LIPN: variants seen among roughly 807,000 people sequenced by gnomAD.
LIPN encodes the protein lipase member N.
In LIPN, 32 loss-of-function variants were observed where a neutral mutation model predicts 43.7. That is an observed-to-expected ratio of 0.73 (90% CI 0.55 to 0.98). The LOEUF is 0.98. Ranked by LOEUF, LIPN falls within the 50% of genes least tolerant of loss-of-function variation. The pLI is 0.00. For synonymous variants in LIPN, 156 were observed against 157.6 expected, an observed-to-expected ratio of 0.99 and a Z score of 0.08; for missense variants, 505 against 483.8, an observed-to-expected ratio of 1.04 and a Z score of -0.41.
At chr10:88,761,144 C>A (rs987277372) in intron 1 of LIPN, among the ~76,000 whole-genome samples, 1 of 152,028 alleles carries the variant, frequency 6.6e-6, no homozygotes, top group Admixed American at 6.6e-5. Flanking sequence ...TAAAATAAGA[C>A]CAAAAATGCC....
At chr10:88,757,632 A>G (rs189013988), upstream of LIPN, among the ~76,000 whole-genome samples, 62 of 152,306 alleles carry the variant, frequency 4.1e-4, no homozygotes, top group African/African-American at 1.1e-3. Context: ...ATTCATTTTC[A>G]CTAACACTAA....
intron 5 of LIPN, among the ~76,000 whole-genome samples, chr10:88,767,663 A>C (rs1253654948): frequency 6.0e-5 from 4 of 66,464 alleles, no homozygotes; most frequent in African/African-American, 1.9e-4. Context: ...AAAAAAAAAA[A>C]AAAAAAAAAA....
intron 2 of LIPN, among the ~76,000 whole-genome samples, 169 bp downstream of exon 2, chr10:88,761,682 T>C (rs541700950): frequency 6.6e-6 from 1 of 152,198 alleles, no homozygotes; most frequent in African/African-American, 2.4e-5. Flanking sequence ...GAAAAACAAA[T>C]ACTGTCCGGT....
chr10:88,764,955 C>G (rs1425421154), intron 4 of LIPN, among the ~76,000 whole-genome samples: 1 of 149,854 alleles, frequency 6.7e-6, no homozygotes, highest in Non-Finnish European at 1.5e-5. Flanking sequence ...AGGCCCCGAA[C>G]ATTCAAACAG....
At position 88,766,305 on chromosome 10, in the gene LIPN, A is replaced by G. The variant is rs944420844; in HGVS notation, c.462A>G (p.Val154=). 8 of 1,609,034 alleles carry G rather than the reference A, an allele frequency of 5.0e-6. No individual in the cohort carries two copies. The Admixed American group carries it at 6.7e-5, about 13-fold the overall frequency. The stretch of plus-strand genomic sequence containing the variant: ...TGGCCAAATATGATCTCCCAGGAGT[A>G]ATAGACTTCATTGTAAATAAAACTG... ...DEMAKYDLPG[V]IDFIVNKTGQ... is the part of the protein sequence containing the mutation. The change falls in exon 5 of 10, where the codon GTA becomes GTG. Residue 154 remains valine, a synonymous_variant. Transcript: ENST00000404459.
chr10:88,779,186 G>A lies in LIPN; in HGVS notation c.*944G>A, dbSNP rs1392809949. Among the ~76,000 whole-genome samples, 1 of 152,216 alleles carries A rather than the reference G, an allele frequency of 6.6e-6. No individual in the cohort carries two copies. The highest frequency in any genetic ancestry group is 1.5e-5 in the Non-Finnish European group (1 of 68,050). On this transcript the variant is annotated 3_prime_UTR_variant, in exon 10 of 10. Coordinates refer to ENST00000404459, the MANE Select transcript of LIPN (RefSeq NM_001102469.2). ...TAACCACCACTTTGGCTGCTACATA[G>A]AGAATGGATTAGAAGATGCCAACAA...
chr10:88,759,243 A>G (rs1842963535), upstream of LIPN, among the ~76,000 whole-genome samples: 1 of 152,176 alleles, frequency 6.6e-6, no homozygotes, highest in South Asian at 2.1e-4. Context: ...GATAAATCCA[A>G]ACTAATAGAA....
Position 88,770,758 on chromosome 10 carries a change from A to G in LIPN, c.673-87A>G, listed in dbSNP as rs1843191397. The G allele has an allele frequency of 3.8e-6, 3 of 792,230 alleles. No homozygotes were observed. In the East Asian group the frequency reaches 8.2e-5, roughly 22 times the overall value. The allele number at this position is 792,230 out of a possible 1,614,324, so 49.1% of individuals were successfully genotyped here. On this transcript the variant is annotated intron_variant, in intron 6 of 9. Coordinates refer to ENST00000404459, the MANE Select transcript of LIPN (RefSeq NM_001102469.2). ...TTGTTGCTATTGAGTTGAGCTCCTT[A>G]TATATTCTGGTTACTAATCCCTTGT...
chr10:88,762,393 T>C (rs1843017555), intron 3 of LIPN, 88 bp downstream of exon 3: 2 of 790,004 alleles, frequency 2.5e-6, no homozygotes, highest in Non-Finnish European at 4.3e-6. Context: ...ATCAACAGAG[T>C]TTATCAAAAT....
At chr10:88,759,791 G>A (rs887236127), upstream of LIPN, among the ~76,000 whole-genome samples, 2 of 152,012 alleles carry the variant, frequency 1.3e-5, no homozygotes, top group Non-Finnish European at 2.9e-5. Context: ...TGAAAATGTT[G>A]CTAAGTCTTC....
Position 88,778,078 on chromosome 10 carries a change from G to A in LIPN, c.1033G>A (p.Val345Ile). 1 of 1,613,588 alleles carries A rather than the reference G, an allele frequency of 6.2e-7. No homozygotes were observed. The highest frequency in any genetic ancestry group is 8.5e-7 in the Non-Finnish European group (1 of 1,179,696). The stretch of plus-strand genomic sequence containing the variant: ...TGCTATTTGGGCTGGTGGACATGAT[G>A]TCCTCGTAACACCCCAGGATGTGGC... Reference protein sequence around the residue: ...PTAIWAGGHDVLVTPQDVARI... With the variant: ...PTAIWAGGHDILVTPQDVARI... Residue 345 changes from valine to isoleucine, a missense_variant, in exon 10 of 10, where the codon GTC (valine) becomes ATC (isoleucine). Transcript: ENST00000404459.
intron 5 of LIPN, among the ~76,000 whole-genome samples, chr10:88,767,846 G>A (rs12256354): frequency 0.028 from 4,214 of 151,642 alleles, 136 homozygotes; most frequent in African/African-American, 0.072. Flanking sequence ...CATTAAACAG[G>A]GCTCTGCAGT....
At chr10:88,772,402 C>T (rs1239230210) in intron 7 of LIPN, among the ~76,000 whole-genome samples, 1 of 151,796 alleles carries the variant, frequency 6.6e-6, no homozygotes, top group African/African-American at 2.4e-5. Flanking sequence ...TTAAATGTGT[C>T]TTTAATCCAT....
upstream of LIPN, among the ~76,000 whole-genome samples, chr10:88,757,602 T>C (rs1336528390): frequency 1.3e-5 from 2 of 152,180 alleles, no homozygotes; most frequent in Admixed American, 6.6e-5. Flanking sequence ...GGATGTAGTA[T>C]AGATGTCACT....
At chr10:88,760,148 G>A (rs1437058967) in intron 1 of LIPN, among the ~76,000 whole-genome samples, 42 bp downstream of exon 1, 1 of 152,086 alleles carries the variant, frequency 6.6e-6, no homozygotes, top group Non-Finnish European at 1.5e-5. Flanking sequence ...AGGTTGGAAG[G>A]TGCCAGTTGC....
intron 6 of LIPN, chr10:88,769,526 T>C (rs952224668): frequency 5.2e-6 from 5 of 957,492 alleles, no homozygotes; most frequent in African/African-American, 1.8e-5. Flanking sequence ...TTTTTTTTTT[T>C]TCTCTTTGCT....
chr10:88,764,772 C>A (rs1466040913), intron 4 of LIPN, among the ~76,000 whole-genome samples, 164 bp downstream of exon 4: 4 of 152,000 alleles, frequency 2.6e-5, no homozygotes, highest in Admixed American at 2.6e-4. Context: ...TGATTTTTCA[C>A]TGATTCTCCC....
Position 88,762,262 on chromosome 10 carries a change from T to C in LIPN, c.183T>C (p.Leu61=). 8 of 1,609,380 alleles carry C rather than the reference T, an allele frequency of 5.0e-6. No individual in the cohort carries two copies. The highest frequency in any genetic ancestry group is 6.8e-6 in the Non-Finnish European group (8 of 1,177,702). Residue 61 remains leucine (L), a synonymous_variant, in exon 3 of 10, where the codon CTT becomes CTC. Transcript: ENST00000404459. ...EVTTEDGYIL[L]VNRIPYGRTH... ...CCACTGAAGATGGGTATATACTCCT[T>C]GTCAACAGAATTCCTTATGGGCGAA...
chr10:88,758,960 A>G (rs1006924922), upstream of LIPN, among the ~76,000 whole-genome samples: 5 of 152,176 alleles, frequency 3.3e-5, no homozygotes, highest in East Asian at 5.8e-4. Flanking sequence ...AAGTTTTGTT[A>G]GAAAGGATTG....
Sources: allele counts gnomAD v4.1 joint callset (sites outside exome capture counted in the v4.1 genomes callset), GRCh38; gene constraint gnomAD v4.1.1; transcripts MANE v1.5; gene names NCBI Gene and HGNC (gene_info 2026-07-23, HGNC 2026-07-21).